ATE1: variants seen among roughly 807,000 people sequenced by gnomAD.
The protein encoded by ATE1 is arginyltransferase 1, also known as arginyl-tRNA--protein transferase 1.
A neutral mutation model predicts 70.5 loss-of-function variants in ATE1; 36 were observed. The ratio of observed to expected loss-of-function variants is 0.51; its 90% CI spans 0.39 to 0.67. The LOEUF (loss-of-function observed/expected upper bound fraction) is 0.67, where lower values mean the gene tolerates loss of function less well. Ranked by LOEUF, ATE1 falls within the 30% of genes least tolerant of loss-of-function variation. The pLI, the probability that ATE1 is intolerant of heterozygous loss-of-function variation, is 0.00. For missense variants in ATE1, 593 were observed against 629.5 expected (o/e 0.94, Z 0.62); for synonymous variants, 232 against 219.3 (o/e 1.06, Z -0.51).
At chr10:121,785,834 T>C (rs1246228591) in intron 11 of ATE1, among the ~76,000 whole-genome samples, 4 of 152,190 alleles carry the variant, frequency 2.6e-5, no homozygotes, top group Non-Finnish European at 5.9e-5. Flanking sequence ...TCCTTACTAA[T>C]AATGAATGAT....
intron 10 of ATE1, among the ~76,000 whole-genome samples, chr10:121,792,508 CAGT>C (rs1394275760): frequency 6.6e-6 from 1 of 152,190 alleles, no homozygotes; most frequent in Non-Finnish European, 1.5e-5. Flanking sequence ...TGCCCTACAG[CAGT>C]AGAAGGCCAT....
intron 11 of ATE1, 36 bp from the exon 12 acceptor site, chr10:121,743,894 A>C: frequency 6.5e-7 from 1 of 1,528,220 alleles, no homozygotes; most frequent in Non-Finnish European, 8.7e-7. Flanking sequence ...GTAAAATGTC[A>C]CATATCAAAA....
intron 11 of ATE1, among the ~76,000 whole-genome samples, chr10:121,765,290 T>C (rs1057415280): frequency 6.6e-6 from 1 of 150,734 alleles, no homozygotes; most frequent in African/African-American, 2.4e-5. Context: ...TACAAATGTA[T>C]GGTCAAGGAG....
rs1195655001 is a variant in ATE1, at chr10:121,902,434, A to G, written c.770T>C (p.Leu257Ser). ...KSNQPKSLED[L>S]IFESLPENAS... ...ATTCTCTGGTAAAGACTCAAAAATT[A>G]AATCTTCGAGTGATTTTGGCTGGTT... The change falls in exon 6 of 12, where the codon TTA (leucine) becomes TCA (serine). Residue 257 changes from leucine (L) to serine (S), a missense_variant. Leu to Ser is a moderately radical substitution (Grantham distance 145). Around this residue, in one of 3 missense-constraint regions of ATE1, gnomAD observed 467 missense variants for 469.6 expected, o/e 0.99. Transcript: ENST00000224652. 3 of 1,614,110 alleles carry G rather than the reference A, an allele frequency of 1.9e-6. No individual in the cohort carries two copies. The highest frequency in any genetic ancestry group is 1.7e-5 in the Admixed American group (1 of 59,998).
intron 7 of ATE1, among the ~76,000 whole-genome samples, chr10:121,896,881 C>T (rs1183105966): frequency 7.0e-6 from 1 of 143,428 alleles, no homozygotes; most frequent in African/African-American, 2.6e-5. Flanking sequence ...CTAACAGGTA[C>T]TCTATGTTCT....
chr10:121,748,786 A>G (rs995409138), intron 11 of ATE1, among the ~76,000 whole-genome samples: 2 of 152,186 alleles, frequency 1.3e-5, no homozygotes, highest in Non-Finnish European at 2.9e-5. Flanking sequence ...ATAATTATAA[A>G]AAAGTGATAC....
At chr10:121,925,427 C>CAAAA (rs35309690) in intron 1 of ATE1, among the ~76,000 whole-genome samples, 5 of 118,722 alleles carry the variant, frequency 4.2e-5, no homozygotes, top group African/African-American at 1.1e-4. Context: ...AGCTCTGTCT[C>CAAAA]AAAAAAAAAA....
intron 4 of ATE1, among the ~76,000 whole-genome samples, chr10:121,911,993 G>A (rs1232522276): frequency 1.3e-5 from 2 of 152,040 alleles, no homozygotes; most frequent in African/African-American, 4.8e-5. Context: ...TGATCCACCT[G>A]CCTCGGCCTC....
intron 11 of ATE1, among the ~76,000 whole-genome samples, chr10:121,766,493 T>C (rs1945282794): frequency 6.6e-6 from 1 of 152,062 alleles, no homozygotes; most frequent in African/African-American, 2.4e-5. Context: ...TTCTGAGACT[T>C]GAGGAGTGAC....
chr10:121,827,685 A>G (rs528379175), intron 10 of ATE1, among the ~76,000 whole-genome samples: 1 of 152,358 alleles, frequency 6.6e-6, no homozygotes, highest in African/African-American at 2.4e-5. Flanking sequence ...ATTTCCTTTC[A>G]TCAATGACTG....
intron 10 of ATE1, among the ~76,000 whole-genome samples, chr10:121,801,134 T>A (rs1047184654): frequency 1.3e-5 from 2 of 152,246 alleles, no homozygotes; most frequent in African/African-American, 4.8e-5. Context: ...CCCCAAATTC[T>A]GAAAGCCAAC....
intron 10 of ATE1, among the ~76,000 whole-genome samples, chr10:121,811,164 T>G (rs1229835447): frequency 6.6e-6 from 1 of 152,218 alleles, no homozygotes; most frequent in African/African-American, 2.4e-5. Flanking sequence ...TCTCCATTCT[T>G]GGCAAATACA....
At chr10:121,808,596 T>C (rs1310015093) in intron 10 of ATE1, among the ~76,000 whole-genome samples, 1 of 152,228 alleles carries the variant, frequency 6.6e-6, no homozygotes. Flanking sequence ...GTTAGACCTA[T>C]TAATCACAAC....
intron 7 of ATE1, among the ~76,000 whole-genome samples, chr10:121,897,135 T>C (rs553162043): frequency 6.6e-6 from 1 of 152,298 alleles, no homozygotes; most frequent in Admixed American, 6.5e-5. Context: ...CTAAAGGCAC[T>C]GGAATTGCAT....
intron 11 of ATE1, among the ~76,000 whole-genome samples, chr10:121,748,316 C>T (rs1424772035): frequency 6.6e-6 from 1 of 151,954 alleles, no homozygotes; most frequent in South Asian, 2.1e-4. Flanking sequence ...AATAAAAATA[C>T]AAGATTATGA....
intron 3 of ATE1, among the ~76,000 whole-genome samples, chr10:121,918,473 G>A (rs545350152): frequency 1.3e-5 from 2 of 152,246 alleles, no homozygotes; most frequent in African/African-American, 4.8e-5. Context: ...AAGGCAATAT[G>A]CTTAGAATAG....
At chr10:121,832,637 C>A (rs114754835) in intron 10 of ATE1, among the ~76,000 whole-genome samples, 2,721 of 152,286 alleles carry the variant, frequency 0.018, 87 homozygotes, top group African/African-American at 0.062. Flanking sequence ...GCCACCGCCA[C>A]GTAAGAAGTG....
At chr10:121,808,206 A>T (rs1590354386) in intron 10 of ATE1, among the ~76,000 whole-genome samples, 1 of 152,274 alleles carries the variant, frequency 6.6e-6, no homozygotes, top group South Asian at 2.1e-4. Flanking sequence ...AATTAAATAT[A>T]TAAAACAGCC....
intron 10 of ATE1, among the ~76,000 whole-genome samples, chr10:121,791,636 G>A (rs1452760052): frequency 6.6e-6 from 1 of 152,032 alleles, no homozygotes; most frequent in African/African-American, 2.4e-5. Context: ...CTAGTATAGT[G>A]TTTTTCAATT....
Sources: gnomAD v4.1 joint callset for allele counts (sites outside exome capture counted in the v4.1 genomes callset) on GRCh38, gnomAD v4.1.1 for gene constraint, gnomAD v4.1.1 regional missense constraint, MANE v1.5 for transcripts, NCBI Gene and HGNC (gene_info 2026-07-23, HGNC 2026-07-21) for gene names.